TBXAS1: variants seen among roughly 807,000 people sequenced by gnomAD.
The protein encoded by TBXAS1 is thromboxane A synthase 1, also known as thromboxane-A synthase.
In TBXAS1, 48 loss-of-function variants were observed where a neutral mutation model predicts 60.7. That is an observed-to-expected ratio of 0.79 (90% CI 0.63 to 1.01). The LOEUF (loss-of-function observed/expected upper bound fraction) is 1.01, where lower values mean the gene tolerates loss of function less well. TBXAS1 is among the 50% of genes least tolerant of loss of function. The pLI is 0.00. For missense variants in TBXAS1, 685 were observed against 686.3 expected (o/e 1.00, Z 0.02); for synonymous variants, 287 against 269.7 (o/e 1.06, Z -0.63).
At chr7:139,833,165 T>C (rs1002375364) in intron 1 of TBXAS1, among the ~76,000 whole-genome samples, 1 of 152,142 alleles carries the variant, frequency 6.6e-6, no homozygotes, top group Non-Finnish European at 1.5e-5. Flanking sequence ...TGAATGTAAA[T>C]GGCCTAAATG....
intron 3 of TBXAS1, among the ~76,000 whole-genome samples, chr7:139,902,771 T>C (rs1465764807): frequency 6.6e-6 from 1 of 152,164 alleles, no homozygotes; most frequent in Non-Finnish European, 1.5e-5. Flanking sequence ...TTTGATGTTA[T>C]CACTATTCTT....
At position 140,004,606 on chromosome 7, in the gene TBXAS1, C is replaced by T. The variant is rs1032778470; in HGVS notation, c.1135-2485C>T. ...ACGGGGATGTTCTTTCAGGCCTGGA[C>T]ATACTGGATGAGCGGGGGGAGTCCA... On this transcript the variant is annotated intron_variant, in intron 9 of 12. Coordinates refer to ENST00000448866, the MANE Select transcript of TBXAS1 (RefSeq NM_001061.7). The surrounding 1 kb of genome is among the most constrained non-coding windows in gnomAD (Gnocchi z 5.1). Among the ~76,000 whole-genome samples the T allele has an allele frequency of 6.6e-6, 1 of 152,204 alleles. No homozygotes were observed. Among genetic ancestry groups the T allele is most frequent in the Admixed American group, 6.5e-5 (1 of 15,284 alleles).
At chr7:140,001,010 C>G (rs1054234612) in intron 9 of TBXAS1, among the ~76,000 whole-genome samples, 7 of 152,214 alleles carry the variant, frequency 4.6e-5, no homozygotes, top group African/African-American at 1.7e-4. Context: ...TAGATACTGT[C>G]CTGACGACTG....
At chr7:139,838,678 A>G (rs935251122) in intron 1 of TBXAS1, among the ~76,000 whole-genome samples, 1 of 152,246 alleles carries the variant, frequency 6.6e-6, no homozygotes, top group African/African-American at 2.4e-5. Flanking sequence ...TCATTTAAAA[A>G]GACACTGTTT....
chr7:139,871,916 T>A (rs1401964459), intron 1 of TBXAS1, among the ~76,000 whole-genome samples: 1 of 152,012 alleles, frequency 6.6e-6, no homozygotes, highest in Non-Finnish European at 1.5e-5. Context: ...TTGGAGAGAG[T>A]GGCATTTTTA....
At chr7:140,005,903 C>T (rs767640452) in intron 9 of TBXAS1, among the ~76,000 whole-genome samples, 5 of 152,218 alleles carry the variant, frequency 3.3e-5, no homozygotes, top group East Asian at 3.8e-4. Flanking sequence ...AACAGGTTCC[C>T]GGGTGATGCT....
chr7:139,920,067 G>C (rs1011132820), intron 4 of TBXAS1, among the ~76,000 whole-genome samples: 2 of 152,212 alleles, frequency 1.3e-5, no homozygotes, highest in Non-Finnish European at 2.9e-5. Context: ...AGCAAACCCA[G>C]CTCAAGATCA....
chr7:139,992,442 C>T (rs1812983385), intron 9 of TBXAS1, among the ~76,000 whole-genome samples: 2 of 152,264 alleles, frequency 1.3e-5, no homozygotes, highest in Admixed American at 1.3e-4. Context: ...TCCAAAGGCC[C>T]ACACTAGCGG....
chr7:139,936,654 A>G (rs545810213), intron 5 of TBXAS1, among the ~76,000 whole-genome samples: 1 of 151,352 alleles, frequency 6.6e-6, no homozygotes, highest in South Asian at 2.1e-4. Flanking sequence ...TGGATCACCT[A>G]GGGATCTGGC....
At chr7:139,926,035 A>G (rs777987654) in intron 4 of TBXAS1, among the ~76,000 whole-genome samples, 11 of 152,136 alleles carry the variant, frequency 7.2e-5, no homozygotes, top group Non-Finnish European at 1.6e-4. Context: ...TCAGTTTGCT[A>G]GTATTTTGTT....
chr7:139,991,668 CAG>C (rs1274200484), intron 9 of TBXAS1, among the ~76,000 whole-genome samples: 1 of 152,200 alleles, frequency 6.6e-6, no homozygotes, highest in African/African-American at 2.4e-5. Context: ...AACACATAAA[CAG>C]AGAATCGTTT....
chr7:139,951,511 A>G (rs1392301876), intron 5 of TBXAS1, among the ~76,000 whole-genome samples: 1 of 146,922 alleles, frequency 6.8e-6, no homozygotes, highest in Non-Finnish European at 1.5e-5. Flanking sequence ...TAATCCCAGC[A>G]CTTTGGGAGG....
intron 5 of TBXAS1, among the ~76,000 whole-genome samples, chr7:139,942,365 A>G (rs1216246536): frequency 1.3e-5 from 2 of 152,232 alleles, no homozygotes; most frequent in Non-Finnish European, 2.9e-5. Flanking sequence ...GGTTTTCAAA[A>G]GGAGAGAACG....
At position 139,999,841 on chromosome 7, in the gene TBXAS1, G is replaced by A. The variant is rs1429344041; in HGVS notation, c.1135-7250G>A. On this transcript the variant is annotated intron_variant, in intron 9 of 12. Transcript: ENST00000448866. This position sits in a 1 kb window ranked among gnomAD's most constrained non-coding sequence, Gnocchi z 4.3. ...ATGCTGCTGTTCCTACTGCTCTGAA[G>A]AAGAAAACTGAAGCCACCTCTGCTT... Among the ~76,000 whole-genome samples the A allele has an allele frequency of 6.6e-6, 1 of 152,176 alleles. No homozygotes were observed. Among genetic ancestry groups the A allele is most frequent in the African/African-American group, 2.4e-5 (1 of 41,448 alleles).
chr7:140,009,758 T>C (rs1585051548), intron 10 of TBXAS1, among the ~76,000 whole-genome samples: 1 of 81,520 alleles, frequency 1.2e-5, no homozygotes, highest in African/African-American at 4.9e-5. Flanking sequence ...CCTCCATACC[T>C]GCCCCACACC....
intron 3 of TBXAS1, among the ~76,000 whole-genome samples, chr7:139,888,417 CCCTT>C (rs1345805023): frequency 6.6e-6 from 1 of 152,216 alleles, no homozygotes; most frequent in Non-Finnish European, 1.5e-5. Flanking sequence ...CTGGAACTGA[CCCTT>C]CGATCTCTGG....
At chr7:139,824,738 G>C (rs1414761459), upstream of TBXAS1, among the ~76,000 whole-genome samples, 1 of 152,082 alleles carries the variant, frequency 6.6e-6, no homozygotes, top group Non-Finnish European at 1.5e-5. Context: ...TTTGTGACCA[G>C]AGTTTGTCAG....
Position 139,999,548 on chromosome 7 carries a change from G to A in TBXAS1, c.1135-7543G>A, listed in dbSNP as rs1202907398. ...CCAAAAAACCAGTTGCAAGGGTGAG[G>A]GGCTTTGCCTCTGGTTTATGGTCAG... is the stretch of plus-strand genomic sequence containing the variant. On this transcript the variant is annotated intron_variant, in intron 9 of 12. Coordinates refer to ENST00000448866, the MANE Select transcript of TBXAS1 (RefSeq NM_001061.7). This position sits in a 1 kb window ranked among gnomAD's most constrained non-coding sequence, Gnocchi z 4.3. Among the ~76,000 whole-genome samples, 1 of 152,142 alleles carries A rather than the reference G, an allele frequency of 6.6e-6. No homozygotes were observed. Among genetic ancestry groups the A allele is most frequent in the Non-Finnish European group, 1.5e-5 (1 of 68,032 alleles).
At chr7:139,953,747 G>C (rs576300177) in intron 6 of TBXAS1, among the ~76,000 whole-genome samples, 7 of 152,314 alleles carry the variant, frequency 4.6e-5, no homozygotes, top group South Asian at 2.1e-4. Context: ...GGACAGGGAT[G>C]GGGGGAAAGT....
Sources: gnomAD v4.1 joint callset for allele counts (sites outside exome capture counted in the v4.1 genomes callset) on GRCh38, gnomAD v4.1.1 for gene constraint, Gnocchi (gnomAD v3.1) non-coding constraint, MANE v1.5 for transcripts, NCBI Gene and HGNC (gene_info 2026-07-23, HGNC 2026-07-21) for gene names.